Variants in PCDHGA10 observed in about 807,000 individuals in gnomAD.
The protein encoded by PCDHGA10 is protocadherin gamma-A10.
Under a neutral mutation model 59.5 loss-of-function variants are expected in PCDHGA10, and 42 were observed. That is an observed-to-expected ratio of 0.71 (90% CI 0.55 to 0.91). PCDHGA10 has a LOEUF of 0.91. PCDHGA10 is among the 40% of genes least tolerant of loss of function. The probability of loss-of-function intolerance (pLI) is 0.00; values close to 1 mark genes in which losing one functional copy is unlikely to be tolerated. For synonymous variants in PCDHGA10, 511 were observed against 517.2 expected, an observed-to-expected ratio of 0.99 and a Z score of 0.16; for missense variants, 1,111 against 1,198.2, an observed-to-expected ratio of 0.93 and a Z score of 1.07.
chr5:141,440,878 C>A (rs1359689557), intron 1 of PCDHGA10: 1 of 152,146 alleles, frequency 6.6e-6, no homozygotes, highest in Non-Finnish European at 1.5e-5. Context: ...TGTACAGCGT[C>A]GGCCTTCAGG....
At chr5:141,460,724 A>C (rs1294708205) in intron 1 of PCDHGA10, among the ~76,000 whole-genome samples, 1 of 152,114 alleles carries the variant, frequency 6.6e-6, no homozygotes, top group African/African-American at 2.4e-5. Context: ...TGTTATAAGC[A>C]TATATACACA....
At chr5:141,494,232 A>T (rs2099752983) in intron 1 of PCDHGA10, among the ~76,000 whole-genome samples, 1 of 152,168 alleles carries the variant, frequency 6.6e-6, no homozygotes, top group African/African-American at 2.4e-5. Flanking sequence ...TCCTAAATTA[A>T]TAATGTATTT....
intron 1 of PCDHGA10, among the ~76,000 whole-genome samples, chr5:141,438,517 T>G (rs975190211): frequency 6.7e-6 from 1 of 148,384 alleles, no homozygotes; most frequent in Non-Finnish European, 1.5e-5. Context: ...AAACCAATTA[T>G]TTTACATGGA....
Position 141,421,845 on chromosome 5 carries a change from G to C in PCDHGA10, c.2436+6234G>C, listed in dbSNP as rs369443134. On this transcript the variant is annotated intron_variant, in intron 1 of 3. Transcript: ENST00000398610. ...AGGGAAGCCTGGACCGAGAGAAAGA[G>C]GCTGCTCACCTGCTCCTCCTCACAG... The C allele has an allele frequency of 1.1e-5, 18 of 1,613,638 alleles. No homozygotes were observed. The African/African-American group carries it at 2.1e-4, about 19-fold the overall frequency.
chr5:141,469,226 A>G (rs998643671), intron 1 of PCDHGA10, among the ~76,000 whole-genome samples: 1 of 152,066 alleles, frequency 6.6e-6, no homozygotes, highest in Non-Finnish European at 1.5e-5. Context: ...TCAGTGAGCC[A>G]TGATCACCCC....
chr5:141,460,649 A>G (rs1171722531), intron 1 of PCDHGA10, among the ~76,000 whole-genome samples: 2 of 152,152 alleles, frequency 1.3e-5, no homozygotes, highest in Non-Finnish European at 2.9e-5. Flanking sequence ...GTGTTTACAC[A>G]TATGTAACTG....
intron 1 of PCDHGA10, among the ~76,000 whole-genome samples, chr5:141,446,571 G>C (rs1460375061): frequency 2.0e-5 from 3 of 152,058 alleles, no homozygotes; most frequent in African/African-American, 7.2e-5. Flanking sequence ...CTGCCTCCCA[G>C]GTTCAAGTGA....
At chr5:141,437,796 G>A (rs2097911691) in intron 1 of PCDHGA10, among the ~76,000 whole-genome samples, 1 of 150,348 alleles carries the variant, frequency 6.7e-6, no homozygotes, top group South Asian at 2.1e-4. Context: ...GGAGTGCAGT[G>A]GCACTATCTT....
intron 1 of PCDHGA10, chr5:141,423,339 C>T (rs1393650718): frequency 6.2e-7 from 1 of 1,614,072 alleles, no homozygotes; most frequent in Non-Finnish European, 8.5e-7. Flanking sequence ...TCTCCTGCAT[C>T]TTCCTGGTCT....
chr5:141,460,951 GTA>G (rs200454978), intron 1 of PCDHGA10, among the ~76,000 whole-genome samples: 208 of 139,744 alleles, frequency 1.5e-3, no homozygotes, highest in South Asian at 4.3e-3. Flanking sequence ...TATGTATTAT[GTA>G]TATATATATG....
In PCDHGA10 at chr5:141,491,081, C is replaced by T; in HGVS notation, c.2437-3726C>T. The T allele has an allele frequency of 6.2e-7, 1 of 1,614,176 alleles. No individual in the cohort carries two copies. The highest frequency in any genetic ancestry group is 8.5e-7 in the Non-Finnish European group (1 of 1,180,010). On this transcript the variant is annotated intron_variant, in intron 1 of 3. Coordinates refer to ENST00000398610, the MANE Select transcript of PCDHGA10 (RefSeq NM_018913.3). The surrounding 1 kb of genome is among the most constrained non-coding windows in gnomAD (Gnocchi z 6.9). Reference sequence around the variant, plus strand: ...TCCTACTCACTGTTGCCACAGTCCACAGCCCCAGGACTGTTCCTCGTGTCT... The same window carrying T: ...TCCTACTCACTGTTGCCACAGTCCATAGCCCCAGGACTGTTCCTCGTGTCT...
chr5:141,486,728 G>T lies in PCDHGA10; in HGVS notation c.2437-8079G>T. On this transcript the variant is annotated intron_variant, in intron 1 of 3. Coordinates refer to ENST00000398610, the MANE Select transcript of PCDHGA10 (RefSeq NM_018913.3). This position sits in a 1 kb window ranked among gnomAD's most constrained non-coding sequence, Gnocchi z 5.0. Reference sequence around the variant, plus strand: ...GAACCCCCAGACAGGAGCTGTTCATGCTACTCGATCCTTTGACTATGAGCA... The same window carrying T: ...GAACCCCCAGACAGGAGCTGTTCATTCTACTCGATCCTTTGACTATGAGCA... The T allele has an allele frequency of 6.2e-7, 1 of 1,614,200 alleles. No individual in the cohort carries two copies. The highest frequency in any genetic ancestry group is 8.5e-7 in the Non-Finnish European group (1 of 1,180,052).
At chr5:141,502,377 C>A (rs748121694) in intron 2 of PCDHGA10, among the ~76,000 whole-genome samples, 14 of 151,904 alleles carry the variant, frequency 9.2e-5, no homozygotes, top group Non-Finnish European at 1.3e-4. Flanking sequence ...AGAGTCCAGG[C>A]CAGTTGTACT....
At chr5:141,478,519 G>A in intron 1 of PCDHGA10, 2 of 1,610,728 alleles carry the variant, frequency 1.2e-6, no homozygotes, top group Non-Finnish European at 1.7e-6. Context: ...GGCAGGTGTT[G>A]GGTGCAGAGA....
In PCDHGA10 at chr5:141,432,654, T is replaced by C. The variant is rs2097525297; in HGVS notation, c.2436+17043T>C. ...GGCGAGGTGCGCACGGCGCGAGCCC[T>C]GCTGGACAGAGACGCGCTCAAGCAG... is the stretch of plus-strand genomic sequence containing the variant. On this transcript the variant is annotated intron_variant, in intron 1 of 3. Transcript: ENST00000398610. This position sits in a 1 kb window ranked among gnomAD's most constrained non-coding sequence, Gnocchi z 6.0. The C allele has an allele frequency of 1.2e-6, 2 of 1,613,816 alleles. No homozygotes were observed. Among genetic ancestry groups the C allele is most frequent in the African/African-American group, 1.3e-5 (1 of 75,034 alleles).
intron 3 of PCDHGA10, 86 bp downstream of exon 3, chr5:141,505,567 T>C: frequency 6.3e-7 from 1 of 1,599,440 alleles, no homozygotes; most frequent in South Asian, 1.1e-5. Flanking sequence ...ACGGACTGGA[T>C]GTCAAACCTG....
chr5:141,486,105 A>C lies in PCDHGA10; in HGVS notation c.2437-8702A>C. The stretch of plus-strand genomic sequence containing the variant: ...ACTCTTTTGGGGCCCCTAGACTTTG[A>C]GAGTGAGAATTACTATGAATTTGAT... On this transcript the variant is annotated intron_variant, in intron 1 of 3. Transcript: ENST00000398610. This position sits in a 1 kb window ranked among gnomAD's most constrained non-coding sequence, Gnocchi z 5.0. The C allele has an allele frequency of 1.2e-6, 2 of 1,614,138 alleles. No individual in the cohort carries two copies. The highest frequency in any genetic ancestry group is 1.7e-6 in the Non-Finnish European group (2 of 1,180,016).
chr5:141,481,362 A>G (rs2099536613), intron 1 of PCDHGA10, among the ~76,000 whole-genome samples: 1 of 152,252 alleles, frequency 6.6e-6, no homozygotes, highest in African/African-American at 2.4e-5. Context: ...CAGCTGTTCA[A>G]TAGATATTGG....
chr5:141,494,323 A>T (rs1188768690), intron 1 of PCDHGA10, among the ~76,000 whole-genome samples: 1 of 152,210 alleles, frequency 6.6e-6, no homozygotes, highest in Non-Finnish European at 1.5e-5. Flanking sequence ...CCTGGCACCA[A>T]AAGGGTTACC....
Sources: gnomAD v4.1 joint callset for allele counts (sites outside exome capture counted in the v4.1 genomes callset) on GRCh38, gnomAD v4.1.1 for gene constraint, Gnocchi (gnomAD v3.1) non-coding constraint, MANE v1.5 for transcripts, NCBI Gene and HGNC (gene_info 2026-07-23, HGNC 2026-07-21) for gene names.